The following SLC35F5 variants were observed in gnomAD, a reference collection of about 807,000 sequenced individuals.
The protein encoded by SLC35F5 is HCV NS5A-transactivated protein 3.
Under a neutral mutation model 68.6 loss-of-function variants are expected in SLC35F5, and 54 were observed. That is an observed-to-expected ratio of 0.79 (90% CI 0.63 to 0.99). The LOEUF is 0.99. Among genes scored for constraint, SLC35F5 ranks in the 50% least tolerant of loss-of-function variants. The pLI is 0.00. For synonymous variants in SLC35F5, 211 were observed against 205.2 expected (o/e 1.03, Z -0.24); for missense variants, 567 against 626.9 (o/e 0.90, Z 1.02).
chr2:113,747,697 G>A (rs911358098), intron 4 of SLC35F5, among the ~76,000 whole-genome samples: 2 of 152,224 alleles, frequency 1.3e-5, no homozygotes, highest in Non-Finnish European at 2.9e-5. Context: ...GAGATTTAAT[G>A]AGTGTTTAAC....
At chr2:113,704,408 C>T (rs942001555), downstream of SLC35F5, among the ~76,000 whole-genome samples, 7 of 152,248 alleles carry the variant, frequency 4.6e-5, no homozygotes, top group South Asian at 2.1e-4. Flanking sequence ...CCGCCAGTCC[C>T]GCGCCCTGCG....
intron 13 of SLC35F5, among the ~76,000 whole-genome samples, chr2:113,719,912 TGTTAGCCAGA>T (rs1436842551): frequency 2.6e-5 from 4 of 151,724 alleles, no homozygotes; most frequent in African/African-American, 7.3e-5. Flanking sequence ...TACTAAGGAA[TGTTAGCCAGA>T]GAAGACAAGC....
downstream of SLC35F5, among the ~76,000 whole-genome samples, chr2:113,706,337 G>GGCCC (rs1686797956): frequency 6.6e-6 from 1 of 152,134 alleles, no homozygotes; most frequent in South Asian, 2.1e-4. Flanking sequence ...GCACCCTGAA[G>GGCCC]GCCCCTGTGC....
intron 13 of SLC35F5, 72 bp downstream of exon 13, chr2:113,723,032 C>A: frequency 1.0e-6 from 1 of 994,548 alleles, no homozygotes; most frequent in South Asian, 2.3e-5. Flanking sequence ...AATTTAATCA[C>A]ATCTCAACTT....
At chr2:113,749,285 G>A (rs1676642526) in intron 4 of SLC35F5, among the ~76,000 whole-genome samples, 2 of 152,356 alleles carry the variant, frequency 1.3e-5, no homozygotes, top group African/African-American at 4.8e-5. Context: ...TGGAATGCCT[G>A]AGGCCAGACT....
At chr2:113,748,045 T>C (rs1186342959) in intron 4 of SLC35F5, among the ~76,000 whole-genome samples, 1 of 152,110 alleles carries the variant, frequency 6.6e-6, no homozygotes, top group East Asian at 1.9e-4. Flanking sequence ...TGAGCTGAGA[T>C]CGCGCCACTG....
At chr2:113,753,180 T>G (rs1300513112) in intron 3 of SLC35F5, among the ~76,000 whole-genome samples, 2 of 132,342 alleles carry the variant, frequency 1.5e-5, no homozygotes, top group African/African-American at 5.6e-5. Flanking sequence ...TTTTTTTTTT[T>G]TTTTTTTTTT....
rs746827715 is a variant in SLC35F5, at chr2:113,731,661, C to T, written c.921-13G>A. On this transcript the variant is annotated splice_polypyrimidine_tract_variant and intron_variant, in intron 9 of 15. Transcript: ENST00000245680. ...AACGCCTCCAATGCTATGAGAATAACAGTCATTAATGATGAGCTAAAGAAT... is the reference window on the plus strand; with the variant it reads ...AACGCCTCCAATGCTATGAGAATAATAGTCATTAATGATGAGCTAAAGAAT... 3 of 1,607,166 alleles carry T rather than the reference C, an allele frequency of 1.9e-6. No homozygotes were observed. Among genetic ancestry groups the T allele is most frequent in the Admixed American group, 3.3e-5 (2 of 59,864 alleles).
intron 7 of SLC35F5, among the ~76,000 whole-genome samples, chr2:113,738,801 G>C (rs887504042): frequency 2.0e-5 from 3 of 152,102 alleles, no homozygotes; most frequent in African/African-American, 4.8e-5. Flanking sequence ...AAATTGGCTG[G>C]TCTGAATTGA....
In SLC35F5 at chr2:113,756,471, G is replaced by C. The variant is rs2104503114; in HGVS notation, c.-62C>G. 6.5e-7 allele frequency: 1 copy of C among 1,530,916 alleles called. No homozygotes were observed. Among genetic ancestry groups the C allele is most frequent in the African/African-American group, 1.4e-5 (1 of 72,672 alleles). 94.8% of individuals were successfully genotyped at this position (1,530,916 alleles called of 1,614,324 possible). ...ACGGCCGCGGCCTCGGACTCACAGA[G>C]CTGTCACCGCGCCTGACATCGCGCC... On this transcript the variant is annotated 5_prime_UTR_variant, in exon 1 of 16. Coordinates refer to ENST00000245680, the MANE Select transcript of SLC35F5 (RefSeq NM_025181.5).
In SLC35F5 at chr2:113,743,724, T is replaced by C; in HGVS notation, c.551A>G (p.Asp184Gly). The change falls in exon 6 of 16, where the codon GAT becomes GGT. Residue 184 changes from aspartate to glycine, a missense_variant. Coordinates refer to ENST00000245680, the MANE Select transcript of SLC35F5 (RefSeq NM_025181.5). ...CAAGTTTTGCTTACTTTTTTCAGTA[T>C]CAATGTTTGTGCTCTCAGGTTTTTC... ...PSEKPESTNI[D>G]TEKTPKKSRV... 1 of 1,611,878 alleles carries C rather than the reference T, an allele frequency of 6.2e-7. No individual in the cohort carries two copies. Among genetic ancestry groups the C allele is most frequent in the East Asian group, 2.2e-5 (1 of 44,822 alleles).
chr2:113,751,356 TTTG>T (rs1676731545), intron 3 of SLC35F5, among the ~76,000 whole-genome samples: 1 of 152,252 alleles, frequency 6.6e-6, no homozygotes, highest in Non-Finnish European at 1.5e-5. Context: ...TGTTTGTTTG[TTTG>T]TTTTTAGTGT....
At position 113,708,447 on chromosome 2, in the gene SLC35F5, G is replaced by A. The variant is rs1420059077; in HGVS notation, c.*6771C>T. 1.3e-5 allele frequency among the ~76,000 whole-genome samples: 2 copies of A among 152,236 alleles called. No individual in the cohort carries two copies. Among genetic ancestry groups the A allele is most frequent in the South Asian group, 2.1e-4 (1 of 4,828 alleles). On this transcript the variant is annotated 3_prime_UTR_variant, in exon 16 of 16. Coordinates refer to ENST00000245680, the MANE Select transcript of SLC35F5 (RefSeq NM_025181.5). ...TAGCTGGGCGCAGTGGCTCACACCC[G>A]TAATCCCAGCACTTTGGGAGGCCGA... is the stretch of plus-strand genomic sequence containing the variant.
At chr2:113,741,833 CA>C (rs1363875381) in intron 7 of SLC35F5, 2 of 151,596 alleles carry the variant, frequency 1.3e-5, no homozygotes, top group Admixed American at 6.6e-5. Context: ...TTAGTAGAGC[CA>C]GGGAATGGAG....
chr2:113,747,776 A>C (rs1288280936), intron 4 of SLC35F5, among the ~76,000 whole-genome samples: 1 of 152,218 alleles, frequency 6.6e-6, no homozygotes, highest in Non-Finnish European at 1.5e-5. Context: ...TAATTTAGCA[A>C]TAAGAATTAC....
chr2:113,737,208 T>C (rs1688127335), intron 7 of SLC35F5, among the ~76,000 whole-genome samples: 1 of 152,208 alleles, frequency 6.6e-6, no homozygotes, highest in Admixed American at 6.5e-5. Flanking sequence ...AGTTTTACAC[T>C]AGTATTTACA....
chr2:113,722,146 TGTATTTTTA>T (rs1312189762), intron 13 of SLC35F5, among the ~76,000 whole-genome samples: 5 of 151,966 alleles, frequency 3.3e-5, no homozygotes, highest in African/African-American at 1.2e-4. Context: ...AGCTAATTTT[TGTATTTTTA>T]GTAGAGACGG....
chr2:113,737,642 A>G (rs558600498), intron 7 of SLC35F5, among the ~76,000 whole-genome samples: 5 of 152,326 alleles, frequency 3.3e-5, no homozygotes, highest in African/African-American at 1.2e-4. Context: ...TCACTGGTCC[A>G]TGCTAATGCA....
rs151123608 is a variant in SLC35F5, at chr2:113,708,900, A to C, written c.*6318T>G. The stretch of plus-strand genomic sequence containing the variant: ...ACCAGGGGGCAACAGAGTAGGGACT[A>C]ATAAGGCCAGCAACTCAGGGAAATT... On this transcript the variant is annotated 3_prime_UTR_variant, in exon 16 of 16. Transcript: ENST00000245680. Among the ~76,000 whole-genome samples, 497 of 152,330 alleles carry C rather than the reference A, an allele frequency of 3.3e-3. 9 individuals carry two copies. Among genetic ancestry groups the C allele is most frequent in the African/African-American group, 0.011 (478 of 41,574 alleles).
Sources: gnomAD v4.1 joint callset for allele counts (sites outside exome capture counted in the v4.1 genomes callset) on GRCh38, gnomAD v4.1.1 for gene constraint, MANE v1.5 for transcripts, NCBI Gene and HGNC (gene_info 2026-07-23, HGNC 2026-07-21) for gene names.